Variants in NRG2 observed in about 807,000 individuals in gnomAD.
NRG2 encodes neuregulin 2, also known as pro-neuregulin-2, membrane-bound isoform.
NRG2 carries 27 observed loss-of-function variants against 73.9 expected under a neutral mutation model. The ratio of observed to expected loss-of-function variants is 0.37; its 90% CI spans 0.27 to 0.50. The LOEUF (loss-of-function observed/expected upper bound fraction) is 0.50. Among genes scored for constraint, NRG2 ranks in the 20% least tolerant of loss-of-function variants. The probability of loss-of-function intolerance (pLI) is 0.96; values close to 1 mark genes in which losing one functional copy is unlikely to be tolerated. For synonymous variants in NRG2, 532 were observed against 541.0 expected (o/e 0.98, Z 0.23); for missense variants, 1,126 against 1,210.1 (o/e 0.93, Z 1.03).
intron 1 of NRG2, among the ~76,000 whole-genome samples, chr5:139,972,996 G>T (rs904507858): frequency 3.9e-5 from 6 of 151,984 alleles, no homozygotes; most frequent in Non-Finnish European, 7.4e-5. Flanking sequence ...AAAGAACATT[G>T]GTGAGTGTGT....
At chr5:140,038,872 T>C (rs1486023585) in intron 1 of NRG2, among the ~76,000 whole-genome samples, 1 of 152,224 alleles carries the variant, frequency 6.6e-6, no homozygotes, top group Non-Finnish European at 1.5e-5. Context: ...TAATCTAGTT[T>C]CACTTTCCCA....
chr5:139,994,877 A>G (rs137938519), intron 1 of NRG2, among the ~76,000 whole-genome samples: 7 of 152,296 alleles, frequency 4.6e-5, no homozygotes, highest in African/African-American at 7.2e-5. Flanking sequence ...TTTGGGGCCA[A>G]TGAAAGGATG....
At chr5:139,935,524 C>T (rs983220799) in intron 1 of NRG2, among the ~76,000 whole-genome samples, 1 of 152,130 alleles carries the variant, frequency 6.6e-6, no homozygotes, top group African/African-American at 2.4e-5. Flanking sequence ...GCTCTCTAAT[C>T]ATAATAGAAT....
At chr5:139,992,956 C>A (rs532884169) in intron 1 of NRG2, among the ~76,000 whole-genome samples, 2 of 151,874 alleles carry the variant, frequency 1.3e-5, no homozygotes, top group Non-Finnish European at 2.9e-5. Flanking sequence ...GGGTCTCTTT[C>A]GATCTATATA....
chr5:139,872,271 C>T (rs1398458790), intron 3 of NRG2, among the ~76,000 whole-genome samples: 2 of 152,192 alleles, frequency 1.3e-5, no homozygotes, highest in African/African-American at 2.4e-5. Context: ...GAGACACCTA[C>T]ACCCGCCTGC....
intron 1 of NRG2, among the ~76,000 whole-genome samples, chr5:139,895,257 A>G (rs1252040410): frequency 6.6e-6 from 1 of 152,252 alleles, no homozygotes; most frequent in Non-Finnish European, 1.5e-5. Context: ...CTGCAAGGCC[A>G]GGGAGAGATA....
chr5:140,042,941 G>T lies in NRG2; in HGVS notation c.129C>A (p.Ser43Arg). Residue 43 changes from serine (S) to arginine (R), a missense_variant, in exon 1 of 10, where the codon AGC becomes AGA. Physicochemically the swap from Ser to Arg is moderately radical, Grantham distance 110 (BLOSUM62 -1). Around this residue, in one of 3 missense-constraint regions of NRG2, gnomAD observed 185 missense variants for 149.0 expected, o/e 1.24. Coordinates refer to ENST00000361474, the MANE Select transcript of NRG2 (RefSeq NM_004883.3). ...TGCTGCTGCTCCTGCTGCTGCTGCC[G>T]CTCTCGCTGCTGCTGCTGCTGCTGC... is the stretch of plus-strand genomic sequence containing the variant. Reference protein sequence around the residue: ...SSSSSSSSSESGSSSRSSSNN... With the variant: ...SSSSSSSSSERGSSSRSSSNN... 6.5e-7 allele frequency: 1 copy of T among 1,542,338 alleles called. No individual in the cohort carries two copies. The highest frequency in any genetic ancestry group is 8.7e-7 in the Non-Finnish European group (1 of 1,145,932).
intron 1 of NRG2, among the ~76,000 whole-genome samples, chr5:139,982,289 G>A (rs963429312): frequency 1.3e-5 from 2 of 152,036 alleles, no homozygotes; most frequent in Non-Finnish European, 2.9e-5. Flanking sequence ...ATGATCCCGG[G>A]GCACTCCTGA....
chr5:140,032,416 GA>G (rs895483324), intron 1 of NRG2, among the ~76,000 whole-genome samples: 18 of 149,000 alleles, frequency 1.2e-4, no homozygotes, highest in South Asian at 4.2e-4. Flanking sequence ...ACTATTGAGA[GA>G]AAAAAAAAAT....
chr5:139,882,188 G>T (rs1455651301), intron 2 of NRG2, among the ~76,000 whole-genome samples: 1 of 152,164 alleles, frequency 6.6e-6, no homozygotes, highest in Non-Finnish European at 1.5e-5. Context: ...GAGCCTAGGG[G>T]ATGTAAAACT....
chr5:139,922,085 AAAAAAATT>A (rs1449063606), intron 1 of NRG2, among the ~76,000 whole-genome samples: 2 of 150,724 alleles, frequency 1.3e-5, no homozygotes, highest in African/African-American at 4.9e-5. Context: ...AAAAAAAAAA[AAAAAAATT>A]AAAAACTTCT....
chr5:139,848,111 C>T lies in NRG2; in HGVS notation c.2359G>A (p.Ala787Thr), dbSNP rs149093144. 9,041 of 1,476,370 alleles carry T rather than the reference C, an allele frequency of 6.1e-3. 39 individuals are homozygous for T. Among genetic ancestry groups the T allele is most frequent in the Admixed American group, 1.0e-2 (414 of 41,492 alleles). The allele number at this position is 1,476,370 out of a possible 1,614,324, so 91.5% of individuals were successfully genotyped here. A position where few individuals can be genotyped will look rare whatever the true frequency, so the allele number is the denominator to read the frequency against. Residue 787 changes from alanine to threonine, a missense_variant, in exon 10 of 10, where the codon GCG (alanine) becomes ACG (threonine). Ala to Thr is a moderately conservative substitution (Grantham distance 58). This residue lies in a region of NRG2 where 402 missense variants were observed against 357.8 expected (regional missense o/e 1.12). Transcript: ENST00000361474. ...SDDDADDADG[A>T]LAAESTPFLG... ...AAAGGTGTGCTCTCGGCCGCCAGCG[C>T]CCCGTCCGCGTCGTCCGCGTCGTCG...
intron 1 of NRG2, among the ~76,000 whole-genome samples, chr5:139,963,947 T>C (rs1755274368): frequency 6.6e-6 from 1 of 152,068 alleles, no homozygotes; most frequent in Non-Finnish European, 1.5e-5. Flanking sequence ...TTTCTTCTAA[T>C]CTCAGATTGA....
At chr5:139,987,325 G>T (rs570262017) in intron 1 of NRG2, among the ~76,000 whole-genome samples, 2 of 132,868 alleles carry the variant, frequency 1.5e-5, no homozygotes, top group African/African-American at 5.8e-5. Context: ...CTGAGATCGC[G>T]CCACTGCGCT....
chr5:139,961,543 A>G (rs114886071), intron 1 of NRG2, among the ~76,000 whole-genome samples: 2,818 of 152,138 alleles, frequency 0.019, 81 homozygotes, highest in African/African-American at 0.064. Context: ...AGCGACAGCA[A>G]CCCCGTAGGG....
chr5:140,016,712 C>T (rs1759811398), intron 1 of NRG2, among the ~76,000 whole-genome samples: 1 of 152,216 alleles, frequency 6.6e-6, no homozygotes, highest in South Asian at 2.1e-4. Flanking sequence ...AGAAAAACCT[C>T]CTTAAGGAAG....
At chr5:139,944,044 G>C (rs1472176005) in intron 1 of NRG2, among the ~76,000 whole-genome samples, 2 of 151,718 alleles carry the variant, frequency 1.3e-5, no homozygotes, top group African/African-American at 4.8e-5. Context: ...CTCATTTGTA[G>C]TTATTTGATT....
intron 3 of NRG2, among the ~76,000 whole-genome samples, chr5:139,878,864 A>T (rs140457608): frequency 1.3e-5 from 2 of 152,306 alleles, no homozygotes; most frequent in Non-Finnish European, 2.9e-5. Context: ...TGGGCCATAG[A>T]GGAGGCAGTA....
At chr5:140,037,364 T>C (rs766048277) in intron 1 of NRG2, among the ~76,000 whole-genome samples, 9 of 152,218 alleles carry the variant, frequency 5.9e-5, no homozygotes, top group Non-Finnish European at 1.3e-4. Context: ...CAGGGAAAAC[T>C]TAACGGCAAA....
Sources: allele counts gnomAD v4.1 joint callset (sites outside exome capture counted in the v4.1 genomes callset), GRCh38; gene constraint gnomAD v4.1.1; regional missense constraint gnomAD v4.1.1; transcripts MANE v1.5; gene names NCBI Gene and HGNC (gene_info 2026-07-23, HGNC 2026-07-21).